The following SH3BP4 variants were observed in gnomAD, a reference collection of about 807,000 sequenced individuals.
The protein encoded by SH3BP4 is SH3 domain binding protein 4.
In SH3BP4, 33 loss-of-function variants were observed where a neutral mutation model predicts 65.5. That is an observed-to-expected ratio of 0.50 (90% CI 0.38 to 0.67). The LOEUF (loss-of-function observed/expected upper bound fraction) is 0.67. Among genes scored for constraint, SH3BP4 ranks in the 30% least tolerant of loss-of-function variants. SH3BP4 has a pLI of 0.00. For missense variants in SH3BP4, 1,134 were observed against 1,261.4 expected (o/e 0.90, Z 1.53); for synonymous variants, 552 against 545.5 (o/e 1.01, Z -0.17).
chr2:235,024,542 G>GCC (rs1335786609), intron 2 of SH3BP4, among the ~76,000 whole-genome samples: 1 of 152,160 alleles, frequency 6.6e-6, no homozygotes, highest in African/African-American at 2.4e-5. Context: ...ATCAGGAACA[G>GCC]TATTAAACCC....
rs1692878562 is a variant in SH3BP4 at position 234,967,816 on chromosome 2, G to A, written c.-207+15646G>A. On this transcript the variant is annotated intron_variant, in intron 1 of 5. Transcript: ENST00000392011. The surrounding 1 kb of genome is among the most constrained non-coding windows in gnomAD (Gnocchi z 4.6). Reference sequence around the variant, plus strand: ...GGAGAGGATCAGAGCCAGGATCCCTGCCACCCTGAGTGGCGGATGCTGCAG... The same window carrying A: ...GGAGAGGATCAGAGCCAGGATCCCTACCACCCTGAGTGGCGGATGCTGCAG... Among the ~76,000 whole-genome samples, 1 of 152,162 alleles carries A rather than the reference G, an allele frequency of 6.6e-6. No individual in the cohort carries two copies. Among genetic ancestry groups the A allele is most frequent in the Admixed American group, 6.5e-5 (1 of 15,278 alleles).
intron 1 of SH3BP4, among the ~76,000 whole-genome samples, chr2:234,964,693 C>G (rs1416745832): frequency 6.6e-6 from 1 of 152,136 alleles, no homozygotes; most frequent in African/African-American, 2.4e-5. Flanking sequence ...AAAAGAGGGC[C>G]ATAGTGAGAC....
chr2:235,051,074 G>T (rs918690109), intron 4 of SH3BP4, among the ~76,000 whole-genome samples: 2 of 152,198 alleles, frequency 1.3e-5, no homozygotes, highest in Non-Finnish European at 2.9e-5. Context: ...AAGCTTTAAG[G>T]GTGGGGGTGA....
chr2:235,052,685 T>C lies in SH3BP4; in HGVS notation c.2602T>C (p.Ser868Pro). The stretch of plus-strand genomic sequence containing the variant: ...GCTGGCTGAGAAGCTGGCCAAGGTC[T>C]CCAAGCAGCAGATGGACGCCTACGA... ...RELAEKLAKV[S>P]KQQMDAYESP... The change falls in exon 5 of 6, where the codon TCC (serine) becomes CCC (proline). Residue 868 changes from serine (S) to proline (P), a missense_variant. Ser to Pro is a moderately conservative substitution (Grantham distance 74). Transcript: ENST00000392011. The surrounding 1 kb of genome is among the most constrained non-coding windows in gnomAD (Gnocchi z 5.0). The C allele has an allele frequency of 6.2e-7, 1 of 1,604,044 alleles. No homozygotes were observed. The highest frequency in any genetic ancestry group is 8.5e-7 in the Non-Finnish European group (1 of 1,175,798).
chr2:235,047,439 C>A (rs1695900946), intron 4 of SH3BP4, among the ~76,000 whole-genome samples: 1 of 152,220 alleles, frequency 6.6e-6, no homozygotes, highest in African/African-American at 2.4e-5. Context: ...GGTCGGTGGG[C>A]TCCCGTCAGG....
At position 235,054,395 on chromosome 2, in the gene SH3BP4, A is replaced by G. The variant is rs191319148; in HGVS notation, c.*579A>G. On this transcript the variant is annotated 3_prime_UTR_variant, in exon 6 of 6. Transcript: ENST00000392011. ...AAACGGGTACAGCTCATTCTTTCTGAGAAGGCCCCAGGTCCTGCTCCCTCC... is the reference window on the plus strand; with the variant it reads ...AAACGGGTACAGCTCATTCTTTCTGGGAAGGCCCCAGGTCCTGCTCCCTCC... 3.3e-4 allele frequency: 50 copies of G among 152,916 alleles called. No homozygotes were observed. The highest frequency in any genetic ancestry group is 7.1e-4 in the Admixed American group (11 of 15,452). 9.5% of individuals were successfully genotyped at this position (152,916 alleles called of 1,614,324 possible).
chr2:235,001,450 G>A (rs1365594869), intron 2 of SH3BP4, among the ~76,000 whole-genome samples: 2 of 152,192 alleles, frequency 1.3e-5, no homozygotes, highest in Non-Finnish European at 2.9e-5. Context: ...TCAATGTCTT[G>A]GCCAGAGTGC....
Position 235,052,539 on chromosome 2 carries a change from G to T in SH3BP4, c.2479-23G>T, listed in dbSNP as rs757628792. The stretch of plus-strand genomic sequence containing the variant: ...TGCCCCACTCCCTACACTGTCTCAC[G>T]CTGTGTGCCTCTTCCTCTGCAGGCC... On this transcript the variant is annotated intron_variant, in intron 4 of 5. Transcript: ENST00000392011. The surrounding 1 kb of genome is among the most constrained non-coding windows in gnomAD (Gnocchi z 5.0). 1.5e-5 allele frequency: 23 copies of T among 1,529,938 alleles called. No individual in the cohort carries two copies. In the Middle Eastern group the frequency reaches 6.1e-4, roughly 41 times the overall value. The allele number at this position is 1,529,938 out of a possible 1,614,324, so 94.8% of individuals were successfully genotyped here. A position where few individuals can be genotyped will look rare whatever the true frequency, so the allele number is the denominator to read the frequency against.
intron 3 of SH3BP4, among the ~76,000 whole-genome samples, chr2:235,037,831 C>T (rs1304481270): frequency 6.6e-6 from 1 of 152,168 alleles, no homozygotes; most frequent in Non-Finnish European, 1.5e-5. Context: ...TCCCACCTCT[C>T]CATGAAAGCC....
At chr2:234,970,079 ACT>A (rs1574779019) in intron 1 of SH3BP4, among the ~76,000 whole-genome samples, 3 of 135,862 alleles carry the variant, frequency 2.2e-5, no homozygotes, top group African/African-American at 7.1e-5. Flanking sequence ...TCACACTGTC[ACT>A]CACACACACT....
At chr2:235,018,009 C>T (rs1010164168) in intron 2 of SH3BP4, among the ~76,000 whole-genome samples, 1 of 152,092 alleles carries the variant, frequency 6.6e-6, no homozygotes, top group Admixed American at 6.5e-5. Context: ...GACACAGGCC[C>T]TAATTCTGGG....
intron 1 of SH3BP4, among the ~76,000 whole-genome samples, chr2:234,987,517 G>A (rs547801427): frequency 5.9e-5 from 9 of 152,262 alleles, no homozygotes; most frequent in African/African-American, 2.2e-4. Flanking sequence ...GAACCCACAT[G>A]TTTGACTTAT....
chr2:235,033,275 C>T lies in SH3BP4; in HGVS notation c.-132-1596C>T, dbSNP rs147628653. Among the ~76,000 whole-genome samples, 784 of 152,304 alleles carry T rather than the reference C, an allele frequency of 5.1e-3. 5 individuals carry two copies. Among genetic ancestry groups the T allele is most frequent in the African/African-American group, 0.018 (756 of 41,570 alleles). The stretch of plus-strand genomic sequence containing the variant: ...ACTCTGTTCCTAGGAGGGCCCTCTT[C>T]CTGGCTTCATGTGTCCTCACGTGGT... On this transcript the variant is annotated intron_variant, in intron 2 of 5. Coordinates refer to ENST00000392011, the MANE Select transcript of SH3BP4 (RefSeq NM_014521.3). This position sits in a 1 kb window ranked among gnomAD's most constrained non-coding sequence, Gnocchi z 5.7.
chr2:235,019,217 A>G (rs1405399418), intron 2 of SH3BP4, among the ~76,000 whole-genome samples: 1 of 152,014 alleles, frequency 6.6e-6, no homozygotes, highest in East Asian at 1.9e-4. Context: ...GGGTGGAGGG[A>G]GTGGAACCAG....
At chr2:234,984,174 A>G (rs1693474658) in intron 1 of SH3BP4, among the ~76,000 whole-genome samples, 2 of 152,138 alleles carry the variant, frequency 1.3e-5, no homozygotes, top group Admixed American at 1.3e-4. Flanking sequence ...AGTGACCCAC[A>G]GGGCATATAC....
In SH3BP4 at chr2:234,978,520, G is replaced by A. The variant is rs1274842422; in HGVS notation, c.-206-16783G>A. Reference sequence around the variant, plus strand: ...CGCTGACTGGTGCGGTGAACTCTCCGGCTGGGCTCCTTTCCTGCTGCAGGT... The same window carrying A: ...CGCTGACTGGTGCGGTGAACTCTCCAGCTGGGCTCCTTTCCTGCTGCAGGT... On this transcript the variant is annotated intron_variant, in intron 1 of 5. Transcript: ENST00000392011. This position sits in a 1 kb window ranked among gnomAD's most constrained non-coding sequence, Gnocchi z 4.1. Among the ~76,000 whole-genome samples, 2 of 152,178 alleles carry A rather than the reference G, an allele frequency of 1.3e-5. No individual in the cohort carries two copies. Among genetic ancestry groups the A allele is most frequent in the African/African-American group, 2.4e-5 (1 of 41,436 alleles).
chr2:235,034,540 T>C lies in SH3BP4; in HGVS notation c.-132-331T>C, dbSNP rs190063888. On this transcript the variant is annotated intron_variant, in intron 2 of 5. Transcript: ENST00000392011. This position sits in a 1 kb window ranked among gnomAD's most constrained non-coding sequence, Gnocchi z 6.2. ...GCATGAACTGTACAGTCCTGCGCTGTCCTCCTCTTTGACTGTAATGAATGG... is the reference window on the plus strand; with the variant it reads ...GCATGAACTGTACAGTCCTGCGCTGCCCTCCTCTTTGACTGTAATGAATGG... 2.5e-3 allele frequency among the ~76,000 whole-genome samples: 383 copies of C among 152,330 alleles called. 4 individuals carry two copies. Among genetic ancestry groups the C allele is most frequent in the African/African-American group, 8.6e-3 (356 of 41,566 alleles).
In SH3BP4 at chr2:235,034,605, C is replaced by T. The variant is rs60284548; in HGVS notation, c.-132-266C>T. ...GGAGCACATTTCGCAAACACCCTTA[C>T]GCCCCTAAGAAGAGCAGGTGCAAAC... On this transcript the variant is annotated intron_variant, in intron 2 of 5. Coordinates refer to ENST00000392011, the MANE Select transcript of SH3BP4 (RefSeq NM_014521.3). The surrounding 1 kb of genome is among the most constrained non-coding windows in gnomAD (Gnocchi z 6.2). 0.12 allele frequency among the ~76,000 whole-genome samples: 18,385 copies of T among 152,232 alleles called. 1,937 individuals are homozygous for T. Among genetic ancestry groups the T allele is most frequent in the African/African-American group, 0.28 (11,734 of 41,526 alleles).
intron 2 of SH3BP4, among the ~76,000 whole-genome samples, chr2:235,022,453 G>C (rs1349984853): frequency 6.6e-6 from 1 of 152,076 alleles, no homozygotes; most frequent in African/African-American, 2.4e-5. Flanking sequence ...CTAGGGAGGT[G>C]GAGGCGGCAG....
Sources: allele counts gnomAD v4.1 joint callset (sites outside exome capture counted in the v4.1 genomes callset), GRCh38; gene constraint gnomAD v4.1.1; non-coding constraint Gnocchi (gnomAD v3.1); transcripts MANE v1.5; gene names NCBI Gene and HGNC (gene_info 2026-07-23, HGNC 2026-07-21).